Variants in SUGCT observed in about 807,000 individuals in gnomAD.
SUGCT encodes the protein succinyl-CoA:glutarate CoA-transferase.
Under a neutral mutation model 55.0 loss-of-function variants are expected in SUGCT, and 41 were observed. That is an observed-to-expected ratio of 0.74 (90% CI 0.58 to 0.97). SUGCT has a LOEUF of 0.97. Among genes scored for constraint, SUGCT ranks in the 50% least tolerant of loss-of-function variants. SUGCT has a pLI of 0.00. For synonymous variants in SUGCT, 187 were observed against 200.4 expected (o/e 0.93, Z 0.56); for missense variants, 568 against 547.8 (o/e 1.04, Z -0.37).
intron 11 of SUGCT, among the ~76,000 whole-genome samples, chr7:40,493,337 C>T (rs889649656): frequency 6.6e-6 from 1 of 152,180 alleles, no homozygotes; most frequent in Non-Finnish European, 1.5e-5. Context: ...ACCAGCATTT[C>T]GTTGTCACTA....
intron 6 of SUGCT, among the ~76,000 whole-genome samples, chr7:40,202,865 G>A (rs981930811): frequency 6.6e-6 from 1 of 152,180 alleles, no homozygotes; most frequent in Admixed American, 6.5e-5. Context: ...TCCTCATGGT[G>A]AACTTGGCCC....
At chr7:41,005,500 A>G in the SUGCT span, among the ~76,000 whole-genome samples, 1 of 152,118 alleles carries the variant, frequency 6.6e-6, no homozygotes, top group Non-Finnish European at 1.5e-5. Flanking sequence ...TTTCTTTCAG[A>G]CAAGCTCCAG....
At chr7:40,702,254 G>C (rs1785199263) in intron 12 of SUGCT, among the ~76,000 whole-genome samples, 1 of 152,164 alleles carries the variant, frequency 6.6e-6, no homozygotes, top group Admixed American at 6.5e-5. Context: ...TGGATGGGCA[G>C]GCCAGCTGCT....
intron 9 of SUGCT, among the ~76,000 whole-genome samples, chr7:40,317,278 G>A (rs1274142145): frequency 2.0e-5 from 3 of 152,064 alleles, no homozygotes; most frequent in Non-Finnish European, 2.9e-5. Context: ...GAAAATTTGC[G>A]TGTGATGGTT....
At chr7:40,180,352 A>C (rs1785128109) in intron 1 of SUGCT, among the ~76,000 whole-genome samples, 1 of 151,906 alleles carries the variant, frequency 6.6e-6, no homozygotes, top group Non-Finnish European at 1.5e-5. Flanking sequence ...GCCTGACCTC[A>C]AGTGATCCAC....
Position 40,719,830 on chromosome 7 carries a change from A to ACT in SUGCT, c.1090-29603_1090-29602dup, listed in dbSNP as rs374301488. ...TGTTTTGTTTTTGAGACAGAGTCTC[A>ACT]CTGTCACCAGGCTGGCATGCAGTGG... On this transcript the variant is annotated intron_variant, in intron 12 of 13. Transcript: ENST00000335693. Among the ~76,000 whole-genome samples the ACT allele has an allele frequency of 1.7e-3, 256 of 152,282 alleles. 1 individual carries two copies. The highest frequency in any genetic ancestry group is 5.9e-3 in the African/African-American group (246 of 41,576).
At chr7:40,518,460 A>G (rs970346113) in intron 12 of SUGCT, among the ~76,000 whole-genome samples, 1 of 152,190 alleles carries the variant, frequency 6.6e-6, no homozygotes, top group Admixed American at 6.5e-5. Context: ...GATGTCATTA[A>G]TAAACCAAGT....
intron 8 of SUGCT, among the ~76,000 whole-genome samples, chr7:40,303,148 C>G (rs2151081972): frequency 6.6e-6 from 1 of 152,100 alleles, no homozygotes; most frequent in South Asian, 2.1e-4. Flanking sequence ...ATTCTCCTGT[C>G]TCAGCCTCCC....
intron 9 of SUGCT, among the ~76,000 whole-genome samples, chr7:40,434,842 A>T (rs959758523): frequency 6.6e-6 from 1 of 152,142 alleles, no homozygotes; most frequent in African/African-American, 2.4e-5. Context: ...GTCTATACAT[A>T]TATCAGATAG....
At chr7:41,012,197 C>T in the SUGCT span, among the ~76,000 whole-genome samples, 3 of 152,152 alleles carry the variant, frequency 2.0e-5, no homozygotes, top group African/African-American at 7.2e-5. Flanking sequence ...GGTGAACTCT[C>T]CCTCCCCCTG....
Position 40,360,445 on chromosome 7 carries a change from C to A in SUGCT, c.816+43590C>A, listed in dbSNP as rs534737292. On this transcript the variant is annotated intron_variant, in intron 9 of 13. Transcript: ENST00000335693. ...TTGATTTATTAATTCATGATTTCAA[C>A]AAATGCTGAGCACCAACAGTGTGCC... Among the ~76,000 whole-genome samples the A allele has an allele frequency of 2.0e-5, 3 of 152,304 alleles. No individual in the cohort carries two copies. In the East Asian group the frequency reaches 5.8e-4, roughly 29 times the overall value.
chr7:40,455,162 C>T (rs1716661336), intron 10 of SUGCT, among the ~76,000 whole-genome samples: 2 of 152,034 alleles, frequency 1.3e-5, no homozygotes, highest in Non-Finnish European at 2.9e-5. Context: ...ATTCTAACTA[C>T]AATGCGAAAA....
chr7:40,827,614 C>T (rs1023209776), intron 13 of SUGCT, among the ~76,000 whole-genome samples: 2 of 152,118 alleles, frequency 1.3e-5, no homozygotes, highest in Non-Finnish European at 1.5e-5. Context: ...TTACTAACCA[C>T]GAGGCTCATT....
At chr7:40,211,133 C>T (rs199911838) in intron 6 of SUGCT, among the ~76,000 whole-genome samples, 91 of 151,822 alleles carry the variant, frequency 6.0e-4, no homozygotes, top group Middle Eastern at 3.4e-3. Context: ...TGCCACCAGC[C>T]GAGCTAATTT....
intron 12 of SUGCT, among the ~76,000 whole-genome samples, chr7:40,620,465 G>T (rs369892197): frequency 3.6e-4 from 55 of 151,946 alleles, no homozygotes; most frequent in African/African-American, 1.3e-3. Flanking sequence ...GTGCAACAGC[G>T]ATCTCTGCTC....
At chr7:40,816,422 G>A (rs1045393061) in intron 13 of SUGCT, among the ~76,000 whole-genome samples, 11 of 152,164 alleles carry the variant, frequency 7.2e-5, no homozygotes, top group African/African-American at 2.7e-4. Flanking sequence ...GAGAAACAAA[G>A]TGTTCCCCCT....
chr7:40,369,076 C>T (rs1267929298), intron 9 of SUGCT, among the ~76,000 whole-genome samples: 1 of 151,308 alleles, frequency 6.6e-6, no homozygotes, highest in East Asian at 1.9e-4. Context: ...TGTACTCCAG[C>T]CTGGGTAACA....
At chr7:40,343,903 G>A (rs375894232) in intron 9 of SUGCT, among the ~76,000 whole-genome samples, 30 of 151,994 alleles carry the variant, frequency 2.0e-4, no homozygotes, top group East Asian at 7.7e-4. Context: ...TGATCTGCCC[G>A]CCTCGGCCTC....
At chr7:40,957,741 C>T in the SUGCT span, among the ~76,000 whole-genome samples, 1 of 151,914 alleles carries the variant, frequency 6.6e-6, no homozygotes, top group African/African-American at 2.4e-5. Flanking sequence ...TTAGTTGATG[C>T]AGTTTCTTCA....
Sources: allele counts gnomAD v4.1 joint callset (sites outside exome capture counted in the v4.1 genomes callset), GRCh38; gene constraint gnomAD v4.1.1; transcripts MANE v1.5; gene names NCBI Gene and HGNC (gene_info 2026-07-23, HGNC 2026-07-21).